ARHGAP21: variants seen among roughly 807,000 people sequenced by gnomAD.
The protein encoded by ARHGAP21 is rho GTPase-activating protein 21.
ARHGAP21 carries 38 observed loss-of-function variants against 164.6 expected under a neutral mutation model. The ratio of observed to expected loss-of-function variants is 0.23; its 90% CI spans 0.18 to 0.30. The LOEUF is 0.30. ARHGAP21 is among the 10% of genes least tolerant of loss of function. The pLI, the probability that ARHGAP21 is intolerant of heterozygous loss-of-function variation, is 1.00. For missense variants in ARHGAP21, 1,822 were observed against 2,370.7 expected (o/e 0.77, Z 4.81); for synonymous variants, 766 against 857.9 (o/e 0.89, Z 1.87).
Position 24,619,589 on chromosome 10 carries a change from G to A in ARHGAP21, c.2306C>T (p.Thr769Ile). The stretch of plus-strand genomic sequence containing the variant: ...TGCATCATTGGGCAGCCAGCAGGTA[G>A]TGTCTGACCCGGTCTCCTGGTCATT... Reference protein sequence around the residue: ...AVNDQETGSDTTCWLPNDARR... With the variant: ...AVNDQETGSDITCWLPNDARR... The change falls in exon 9 of 26, where the codon ACT becomes ATT. Residue 769 changes from threonine (T) to isoleucine (I), a missense_variant. Around this residue, in one of 5 missense-constraint regions of ARHGAP21, gnomAD observed 1,090 missense variants for 1,378.9 expected, o/e 0.79. Transcript: ENST00000396432. The A allele has an allele frequency of 6.2e-7, 1 of 1,614,184 alleles. No homozygotes were observed. Among genetic ancestry groups the A allele is most frequent in the Non-Finnish European group, 8.5e-7 (1 of 1,180,022 alleles).
intron 2 of ARHGAP21, among the ~76,000 whole-genome samples, chr10:24,699,360 C>T (rs904974295): frequency 6.6e-6 from 1 of 151,914 alleles, no homozygotes; most frequent in Non-Finnish European, 1.5e-5. Flanking sequence ...GAGTCTCACT[C>T]GTCCCCCAGG....
chr10:24,713,942 C>A lies in ARHGAP21; in HGVS notation c.63+7895G>T, dbSNP rs545073697. 3.9e-5 allele frequency among the ~76,000 whole-genome samples: 6 copies of A among 152,208 alleles called. No individual in the cohort carries two copies. In the South Asian group the frequency reaches 1.2e-3, roughly 32 times the overall value. On this transcript the variant is annotated intron_variant, in intron 2 of 25. Coordinates refer to ENST00000396432, the MANE Select transcript of ARHGAP21 (RefSeq NM_020824.4). Reference sequence around the variant, plus strand: ...TAAAACTATTTTAGTGAAAGCAATCCAAAATTGAGTTTTTTGCATTTAGAT... The same window carrying A: ...TAAAACTATTTTAGTGAAAGCAATCAAAAATTGAGTTTTTTGCATTTAGAT...
chr10:24,585,450 C>G lies in ARHGAP21; in HGVS notation c.4839G>C (p.Glu1613Asp). Residue 1613 changes from glutamate to aspartate, a missense_variant, in exon 26 of 26, where the codon GAG becomes GAC. Transcript: ENST00000396432. ...RLSPEVQSVA[E>D]SKGDEADDER... ...CGTCATCTGCCTCGTCCCCCTTGCT[C>G]TCTGCCACGGATTGCACCTCAGGGC... is the stretch of plus-strand genomic sequence containing the variant. 1.2e-6 allele frequency: 2 copies of G among 1,614,120 alleles called. No individual in the cohort carries two copies. Among genetic ancestry groups the G allele is most frequent in the East Asian group, 2.2e-5 (1 of 44,888 alleles).
intron 17 of ARHGAP21, chr10:24,596,491 G>A: frequency 3.6e-6 from 2 of 554,326 alleles, no homozygotes; most frequent in South Asian, 2.7e-5. Context: ...AGAAACACAC[G>A]ATTTGAAGAC....
chr10:24,613,851 G>A (rs1188874084), intron 9 of ARHGAP21, among the ~76,000 whole-genome samples: 1 of 152,142 alleles, frequency 6.6e-6, no homozygotes, highest in African/African-American at 2.4e-5. Context: ...GCAAGTGGAA[G>A]GATCACTTCT....
At chr10:24,664,379 A>G (rs1250288112) in intron 4 of ARHGAP21, among the ~76,000 whole-genome samples, 4 of 151,746 alleles carry the variant, frequency 2.6e-5, no homozygotes, top group Non-Finnish European at 5.9e-5. Context: ...ACATGGTGAA[A>G]CCCCGTTTCT....
At chr10:24,655,141 A>AT (rs1478587105) in intron 4 of ARHGAP21, among the ~76,000 whole-genome samples, 2 of 148,598 alleles carry the variant, frequency 1.3e-5, no homozygotes, top group African/African-American at 5.0e-5. Context: ...AAAGACTTAA[A>AT]TGTTAGACCT....
At chr10:24,625,315 A>C (rs961814127) in intron 7 of ARHGAP21, among the ~76,000 whole-genome samples, 2 of 151,120 alleles carry the variant, frequency 1.3e-5, no homozygotes, top group Non-Finnish European at 3.0e-5. Context: ...AAAAAAAAAA[A>C]AAAAAAAACC....
intron 2 of ARHGAP21, among the ~76,000 whole-genome samples, chr10:24,690,590 AGGCCAAGACAG>A (rs1200301735): frequency 1.3e-5 from 2 of 152,118 alleles, no homozygotes; most frequent in African/African-American, 2.4e-5. Flanking sequence ...GCACTTTGGG[AGGCCAAGACAG>A]GCACATCACC....
chr10:24,620,577 G>C lies in ARHGAP21; in HGVS notation c.1318C>G (p.Arg440Gly). ...GGCACTCGATCATGAGAGGTGCTTC[G>C]ACGTCGTCCCTGCAAAGTAGTGCGG... ...PNRTTLQGRR[R>G]STSHDRVPQS... Residue 440 changes from arginine to glycine, a missense_variant, in exon 9 of 26, where the codon CGA becomes GGA. Transcript: ENST00000396432. The C allele has an allele frequency of 1.2e-6, 2 of 1,614,148 alleles. No individual in the cohort carries two copies. The highest frequency in any genetic ancestry group is 1.7e-6 in the Non-Finnish European group (2 of 1,180,034).
Position 24,628,814 on chromosome 10 carries a change from T to TATACAC in ARHGAP21, c.495+1181_495+1182insGTGTAT, listed in dbSNP as rs1269920820. ...ATATATACACATATATACATATATA[T>TATACAC]ACATATACACACATATATGTACATA... On this transcript the variant is annotated intron_variant, in intron 7 of 25. Coordinates refer to ENST00000396432, the MANE Select transcript of ARHGAP21 (RefSeq NM_020824.4). Among the ~76,000 whole-genome samples the TATACAC allele has an allele frequency of 1.6e-4, 12 of 73,128 alleles. No individual in the cohort carries two copies. In the East Asian group the frequency reaches 3.2e-3, roughly 19 times the overall value. 48.0% of individuals were successfully genotyped at this position (73,128 alleles called of 152,430 possible).
At chr10:24,696,193 T>A (rs1843158182) in intron 2 of ARHGAP21, among the ~76,000 whole-genome samples, 1 of 152,112 alleles carries the variant, frequency 6.6e-6, no homozygotes, top group Non-Finnish European at 1.5e-5. Flanking sequence ...ATGGGCGCCC[T>A]AGCTTACTAC....
At chr10:24,591,003 A>C in intron 24 of ARHGAP21, 4 of 816,608 alleles carry the variant, frequency 4.9e-6, no homozygotes, top group Non-Finnish European at 5.9e-6. Context: ...TCATAGTTCC[A>C]TTCTGACAAA....
At chr10:24,599,728 A>C (rs1298271024) in intron 14 of ARHGAP21, among the ~76,000 whole-genome samples, 4 of 152,228 alleles carry the variant, frequency 2.6e-5, no homozygotes, top group Non-Finnish European at 4.4e-5. Context: ...GATAAAGTTT[A>C]TAGTTATACA....
At chr10:24,589,386 G>A in intron 24 of ARHGAP21, 84 bp from the exon 25 acceptor site, 1 of 1,263,554 alleles carries the variant, frequency 7.9e-7, no homozygotes, top group Admixed American at 2.2e-5. Flanking sequence ...TGGAAAGACA[G>A]GCACAGAACA....
chr10:24,592,715 G>A (rs566061613), intron 21 of ARHGAP21, among the ~76,000 whole-genome samples: 24 of 149,786 alleles, frequency 1.6e-4, no homozygotes, highest in Admixed American at 9.3e-4. Flanking sequence ...CAGCCTGGGC[G>A]ACAGAGTAAG....
chr10:24,636,544 G>A (rs1349802865), intron 4 of ARHGAP21, among the ~76,000 whole-genome samples: 1 of 152,122 alleles, frequency 6.6e-6, no homozygotes, highest in Non-Finnish European at 1.5e-5. Context: ...CAGCAATACT[G>A]GGCAAAAAAT....
chr10:24,716,955 T>A (rs1199997472), intron 2 of ARHGAP21, among the ~76,000 whole-genome samples: 1 of 152,154 alleles, frequency 6.6e-6, no homozygotes, highest in Non-Finnish European at 1.5e-5. Flanking sequence ...ACTATTCAAA[T>A]GGAGATTCTA....
chr10:24,608,497 G>T (rs1396145906), intron 9 of ARHGAP21, among the ~76,000 whole-genome samples: 1 of 152,140 alleles, frequency 6.6e-6, no homozygotes, highest in Non-Finnish European at 1.5e-5. Context: ...GCCAAGAAAT[G>T]TAATTCAATA....
Sources: gnomAD v4.1 joint callset for allele counts (sites outside exome capture counted in the v4.1 genomes callset) on GRCh38, gnomAD v4.1.1 for gene constraint, gnomAD v4.1.1 regional missense constraint, MANE v1.5 for transcripts, NCBI Gene and HGNC (gene_info 2026-07-23, HGNC 2026-07-21) for gene names.